Variants in TSHZ3 observed in about 807,000 individuals in gnomAD.
The protein encoded by TSHZ3 is teashirt homolog 3.
Under a neutral mutation model 64.5 loss-of-function variants are expected in TSHZ3, and 10 were observed. That is an observed-to-expected ratio of 0.16 (90% CI 0.10 to 0.26). TSHZ3 has a LOEUF of 0.26. TSHZ3 is among the 10% of genes least tolerant of loss of function. The pLI is 1.00. For synonymous variants in TSHZ3, 608 were observed against 593.1 expected (o/e 1.03, Z -0.36); for missense variants, 1,242 against 1,421.7 (o/e 0.87, Z 2.03).
intron 4 of TSHZ3, among the ~76,000 whole-genome samples, chr19:31,212,765 GA>G (rs1433801237): frequency 6.6e-6 from 1 of 152,112 alleles, no homozygotes; most frequent in Non-Finnish European, 1.5e-5. Flanking sequence ...TTACCCAAAG[GA>G]GATTAAAATT....
chr19:31,208,232 G>A (rs1240585396), intron 4 of TSHZ3, among the ~76,000 whole-genome samples: 1 of 152,168 alleles, frequency 6.6e-6, no homozygotes, highest in Admixed American at 6.5e-5. Context: ...ATTAACAAGG[G>A]GTCCTGGAAA....
At chr19:31,252,020 G>C (rs965853522) in intron 1 of TSHZ3, among the ~76,000 whole-genome samples, 1 of 152,216 alleles carries the variant, frequency 6.6e-6, no homozygotes, top group Non-Finnish European at 1.5e-5. Context: ...TGGGCACTGA[G>C]GCACAGGACA....
At chr19:31,195,377 CA>C (rs1215658224) in intron 5 of TSHZ3, among the ~76,000 whole-genome samples, 1 of 151,918 alleles carries the variant, frequency 6.6e-6, no homozygotes, top group African/African-American at 2.4e-5. Context: ...TATAGAGAAG[CA>C]AAAATAAGAA....
intron 1 of TSHZ3, among the ~76,000 whole-genome samples, chr19:31,286,382 A>G (rs544408217): frequency 4.6e-5 from 7 of 152,368 alleles, no homozygotes; most frequent in Admixed American, 2.0e-4. Flanking sequence ...TGGAAAAACA[A>G]AAAAACACAA....
intron 1 of TSHZ3, among the ~76,000 whole-genome samples, chr19:31,321,330 G>A (rs374448030): frequency 5.9e-5 from 9 of 152,206 alleles, no homozygotes; most frequent in African/African-American, 9.6e-5. Context: ...TCACTGGCCC[G>A]CCAATCGGAG....
chr19:31,331,300 G>A (rs965629343), intron 1 of TSHZ3, among the ~76,000 whole-genome samples: 8 of 152,276 alleles, frequency 5.3e-5, no homozygotes, highest in South Asian at 2.1e-4. Context: ...TACTTTTGGC[G>A]CAGTGATGAG....
intron 1 of TSHZ3, among the ~76,000 whole-genome samples, chr19:31,254,036 C>A (rs1279615286): frequency 6.6e-6 from 1 of 152,174 alleles, no homozygotes; most frequent in African/African-American, 2.4e-5. Flanking sequence ...CCCCCATCTA[C>A]AGAACAGACC....
At chr19:31,213,148 G>A (rs10401874) in intron 4 of TSHZ3, among the ~76,000 whole-genome samples, 94,817 of 151,254 alleles carry the variant, frequency 0.63, 30,009 homozygotes, top group Middle Eastern at 0.72. Flanking sequence ...CTGAACTCAG[G>A]AGTTTGAGAC....
At chr19:31,211,997 T>TAAAC (rs542757617) in intron 4 of TSHZ3, among the ~76,000 whole-genome samples, 2 of 152,258 alleles carry the variant, frequency 1.3e-5, no homozygotes, top group East Asian at 1.9e-4. Context: ...TTAAGCCTTT[T>TAAAC]AAACAAACAA....
chr19:31,244,364 A>G (rs1416649552), intron 1 of TSHZ3, among the ~76,000 whole-genome samples: 1 of 152,120 alleles, frequency 6.6e-6, no homozygotes, highest in South Asian at 2.1e-4. Flanking sequence ...GCCTTCCACC[A>G]TGACTGAAAG....
Position 31,349,275 on chromosome 19 carries a change from C to T in TSHZ3, c.-56G>A. The T allele has an allele frequency of 7.3e-7, 1 of 1,370,584 alleles. No homozygotes were observed. Among genetic ancestry groups the T allele is most frequent in the Non-Finnish European group, 9.4e-7 (1 of 1,069,230 alleles). The allele number at this position is 1,370,584 out of a possible 1,614,324, so 84.9% of individuals were successfully genotyped here. ...GCCGCCGCCGCTGCCGGGCTGAGGA[C>T]AGGGAGGGAGGGGGCGGCGGGCCCG... On this transcript the variant is annotated 5_prime_UTR_variant, in exon 1 of 2. Transcript: ENST00000240587.
At chr19:31,259,232 T>C (rs150198672) in intron 1 of TSHZ3, among the ~76,000 whole-genome samples, 50 of 152,282 alleles carry the variant, frequency 3.3e-4, no homozygotes, top group African/African-American at 1.2e-3. Flanking sequence ...TCCATAAAAG[T>C]AGAGGAGCTG....
intron 1 of TSHZ3, among the ~76,000 whole-genome samples, chr19:31,308,148 A>T (rs1916351614): frequency 1.3e-5 from 2 of 150,044 alleles, no homozygotes; most frequent in Non-Finnish European, 3.0e-5. Flanking sequence ...TCTGCCTCCC[A>T]CTCCAACAGT....
intron 1 of TSHZ3, among the ~76,000 whole-genome samples, chr19:31,262,540 TA>T (rs1568362533): frequency 1.3e-5 from 2 of 152,206 alleles, no homozygotes; most frequent in Non-Finnish European, 2.9e-5. Context: ...TGCTTTTTTT[TA>T]AAAAATTTGC....
At chr19:31,154,586 A>G (rs1358223128) in intron 6 of TSHZ3, among the ~76,000 whole-genome samples, 1 of 152,200 alleles carries the variant, frequency 6.6e-6, no homozygotes, top group African/African-American at 2.4e-5. Flanking sequence ...GGTGAAAAGG[A>G]AGAAGACTCT....
At position 31,294,953 on chromosome 19, in the gene TSHZ3, T is replaced by C. The variant is rs186417219; in HGVS notation, c.41-15201A>G. On this transcript the variant is annotated intron_variant, in intron 1 of 1. Transcript: ENST00000240587. Reference sequence around the variant, plus strand: ...ATAATTTTGTAGTATATATCAAAATTGAAAATATCTACACTCTGACCCAGA... The same window carrying C: ...ATAATTTTGTAGTATATATCAAAATCGAAAATATCTACACTCTGACCCAGA... Among the ~76,000 whole-genome samples the C allele has an allele frequency of 1.9e-4, 29 of 152,232 alleles. No individual in the cohort carries two copies. In the East Asian group the frequency reaches 2.1e-3, roughly 11 times the overall value.
chr19:31,339,681 G>C (rs1024106581), intron 1 of TSHZ3, among the ~76,000 whole-genome samples: 1 of 152,022 alleles, frequency 6.6e-6, no homozygotes, highest in Non-Finnish European at 1.5e-5. Flanking sequence ...CCAGGATTTA[G>C]TTTCAGAACT....
chr19:31,266,707 C>T (rs566891555), intron 1 of TSHZ3, among the ~76,000 whole-genome samples: 64 of 152,314 alleles, frequency 4.2e-4, no homozygotes, highest in Middle Eastern at 3.4e-3. Flanking sequence ...ATCTGAGACA[C>T]ACGGGAATAG....
chr19:31,166,698 G>T (rs186831187), intron 5 of TSHZ3, among the ~76,000 whole-genome samples: 18 of 152,152 alleles, frequency 1.2e-4, no homozygotes, highest in Admixed American at 1.2e-3. Flanking sequence ...GGGATGAAAT[G>T]TCCATCTTCT....
Sources: allele counts gnomAD v4.1 joint callset (sites outside exome capture counted in the v4.1 genomes callset), GRCh38; gene constraint gnomAD v4.1.1; transcripts MANE v1.5; gene names NCBI Gene and HGNC (gene_info 2026-07-23, HGNC 2026-07-21).